ATF1: variants seen among roughly 807,000 people sequenced by gnomAD.
ATF1 encodes the protein cyclic AMP-dependent transcription factor ATF-1.
A neutral mutation model predicts 34.7 loss-of-function variants in ATF1; 16 were observed. The ratio of observed to expected loss-of-function variants is 0.46; its 90% CI spans 0.31 to 0.70. The LOEUF (loss-of-function observed/expected upper bound fraction) is 0.70, where lower values mean the gene tolerates loss of function less well. Ranked by LOEUF, ATF1 falls within the 30% of genes least tolerant of loss-of-function variation. ATF1 has a pLI of 0.05. For synonymous variants in ATF1, 105 were observed against 113.1 expected (o/e 0.93, Z 0.46); for missense variants, 255 against 321.6 (o/e 0.79, Z 1.58).
chr12:50,783,492 A>G (rs946564969), intron 2 of ATF1, among the ~76,000 whole-genome samples: 8 of 152,210 alleles, frequency 5.3e-5, no homozygotes, highest in Non-Finnish European at 1.0e-4. Flanking sequence ...TGACTCTTCA[A>G]ATTTCCTCAG....
At chr12:50,814,995 G>A (rs113652756) in intron 6 of ATF1, among the ~76,000 whole-genome samples, 6 of 151,888 alleles carry the variant, frequency 4.0e-5, no homozygotes, top group South Asian at 2.1e-4. Context: ...GGTGGCGGGC[G>A]CCTGTAGTCC....
At chr12:50,798,838 C>T (rs1941461769) in intron 3 of ATF1, among the ~76,000 whole-genome samples, 1 of 152,116 alleles carries the variant, frequency 6.6e-6, no homozygotes, top group Non-Finnish European at 1.5e-5. Flanking sequence ...TGATTAAATC[C>T]AGCACCTCAT....
At chr12:50,818,103 T>TAA (rs1479229445) in intron 6 of ATF1, among the ~76,000 whole-genome samples, 1 of 152,216 alleles carries the variant, frequency 6.6e-6, no homozygotes, top group African/African-American at 2.4e-5. Flanking sequence ...CTCTTGACTT[T>TAA]AAGTGAATAT....
At position 50,785,376 on chromosome 12, in the gene ATF1, A is replaced by G. The variant is rs1941166724; in HGVS notation, c.93+5138A>G. Among the ~76,000 whole-genome samples, 13 of 150,680 alleles carry G rather than the reference A, an allele frequency of 8.6e-5. No individual in the cohort carries two copies. In the South Asian group the frequency reaches 2.7e-3, roughly 32 times the overall value. ...ATAATTGCCATTTATTGAGATGGAC[A>G]ATGCTGGATGATGTTTTCCATTTCT... On this transcript the variant is annotated intron_variant, in intron 2 of 6. Coordinates refer to ENST00000262053, the MANE Select transcript of ATF1 (RefSeq NM_005171.5).
At chr12:50,787,744 A>G (rs1361403321) in intron 2 of ATF1, among the ~76,000 whole-genome samples, 1 of 152,186 alleles carries the variant, frequency 6.6e-6, no homozygotes, top group East Asian at 1.9e-4. Flanking sequence ...CTTGTCTAAA[A>G]AAAAAAAATG....
intron 1 of ATF1, among the ~76,000 whole-genome samples, chr12:50,770,106 G>A (rs1940735019): frequency 1.3e-5 from 2 of 152,184 alleles, no homozygotes; most frequent in South Asian, 4.1e-4. Flanking sequence ...ACGAAATTTG[G>A]AACATATTTG....
At chr12:50,802,030 C>T (rs1352146840) in intron 3 of ATF1, among the ~76,000 whole-genome samples, 1 of 152,114 alleles carries the variant, frequency 6.6e-6, no homozygotes, top group Non-Finnish European at 1.5e-5. Context: ...TAAAATAGAA[C>T]TAATCAACAA....
chr12:50,773,478 C>A (rs1592166808), intron 1 of ATF1, among the ~76,000 whole-genome samples: 1 of 96,682 alleles, frequency 1.0e-5, no homozygotes, highest in African/African-American at 3.9e-5. Flanking sequence ...GAGACAAAGT[C>A]TCATTCTATT....
In ATF1 at chr12:50,780,234, A is replaced by G; in HGVS notation, c.89A>G (p.Gln30Arg). ...GGAGCTCACATTTCTCATATTGCTC[A>G]ACAGGTAAGGGAGGGACTGGCCAAA... ...VQGAHISHIA[Q>R]QVSSLSESEE... Residue 30 changes from glutamine (Q) to arginine (R), a missense_variant, in exon 2 of 7, where the codon CAA becomes CGA. Physicochemically the swap from Gln to Arg is conservative, Grantham distance 43. Around this residue, in one of 2 missense-constraint regions of ATF1, gnomAD observed 221 missense variants for 250.7 expected, o/e 0.88. Transcript: ENST00000262053. 6.2e-7 allele frequency: 1 copy of G among 1,610,032 alleles called. No homozygotes were observed. Among genetic ancestry groups the G allele is most frequent in the Non-Finnish European group, 8.5e-7 (1 of 1,176,772 alleles).
chr12:50,809,421 A>T, intron 3 of ATF1, 35 bp from the exon 4 acceptor site: 1 of 1,477,870 alleles, frequency 6.8e-7, no homozygotes, highest in Non-Finnish European at 9.1e-7. Context: ...CATTCACATT[A>T]CCAATGTTTA....
intron 6 of ATF1, 79 bp from the exon 7 acceptor site, chr12:50,819,556 G>A (rs1356848950): frequency 1.8e-5 from 27 of 1,511,352 alleles, no homozygotes; most frequent in Non-Finnish European, 2.3e-5. Context: ...AGGTGACCAC[G>A]GAAAATTACT....
chr12:50,770,168 T>C (rs1046614144), intron 1 of ATF1, among the ~76,000 whole-genome samples: 10 of 152,234 alleles, frequency 6.6e-5, no homozygotes, highest in Non-Finnish European at 1.5e-4. Flanking sequence ...TGAGTATTCT[T>C]AACTTATGGC....
intron 1 of ATF1, among the ~76,000 whole-genome samples, chr12:50,772,961 ACCATGTGTC>A (rs1397020101): frequency 1.3e-5 from 2 of 151,944 alleles, no homozygotes; most frequent in Non-Finnish European, 2.9e-5. Context: ...TTGTTCTCCC[ACCATGTGTC>A]CCCGTGTTCT....
chr12:50,820,751 TAG>T lies in ATF1; in HGVS notation c.*976_*977del, dbSNP rs1941934218. 1 of 179,542 alleles carries T rather than the reference TAG, an allele frequency of 5.6e-6. No homozygotes were observed. The highest frequency in any genetic ancestry group is 1.2e-5 in the Non-Finnish European group (1 of 83,530). The allele number at this position is 179,542 out of a possible 1,614,324, so 11.1% of individuals were successfully genotyped here. On this transcript the variant is annotated 3_prime_UTR_variant, in exon 7 of 7. Coordinates refer to ENST00000262053, the MANE Select transcript of ATF1 (RefSeq NM_005171.5). ...TATAGTTATTAAGGCAATTTTATGT[TAG>T]AGACTATTTTGTAATGTAGTGAGTG...
rs1019058447 is a variant in ATF1 at position 50,764,233 on chromosome 12, G to A, written c.-81G>A. On this transcript the variant is annotated 5_prime_UTR_variant, in exon 1 of 7. Transcript: ENST00000262053. ...GCTGCGTGAGGGGGTGGGGAAGTGGGTAGTGAATTCGGATCTACCTGGGAG... is the reference window on the plus strand; with the variant it reads ...GCTGCGTGAGGGGGTGGGGAAGTGGATAGTGAATTCGGATCTACCTGGGAG... 1 of 152,010 alleles carries A rather than the reference G, an allele frequency of 6.6e-6. No individual in the cohort carries two copies. The highest frequency in any genetic ancestry group is 1.5e-5 in the Non-Finnish European group (1 of 67,926). The allele number at this position is 152,010 out of a possible 1,614,324, so 9.4% of individuals were successfully genotyped here. A position where few individuals can be genotyped will look rare whatever the true frequency, so the allele number is the denominator to read the frequency against.
At chr12:50,801,321 A>C (rs1296940576) in intron 3 of ATF1, among the ~76,000 whole-genome samples, 1 of 152,080 alleles carries the variant, frequency 6.6e-6, no homozygotes, top group African/African-American at 2.4e-5. Flanking sequence ...GCAACTACTA[A>C]AAAAAAACTA....
At chr12:50,818,243 C>G (rs536112426) in intron 6 of ATF1, among the ~76,000 whole-genome samples, 3 of 151,928 alleles carry the variant, frequency 2.0e-5, no homozygotes, top group Non-Finnish European at 2.9e-5. Flanking sequence ...ATACTGAGAC[C>G]TCATCTCTAC....
chr12:50,797,857 A>C (rs1941439083), intron 3 of ATF1, among the ~76,000 whole-genome samples: 1 of 152,158 alleles, frequency 6.6e-6, no homozygotes, highest in Admixed American at 6.5e-5. Context: ...CGGTGAAATA[A>C]TAATCATTTT....
chr12:50,772,230 T>C (rs1280739127), intron 1 of ATF1, among the ~76,000 whole-genome samples: 2 of 152,018 alleles, frequency 1.3e-5, no homozygotes, highest in Admixed American at 6.6e-5. Context: ...GGGTACAAAG[T>C]GTCTCCCAAA....
Sources: allele counts gnomAD v4.1 joint callset (sites outside exome capture counted in the v4.1 genomes callset), GRCh38; gene constraint gnomAD v4.1.1; regional missense constraint gnomAD v4.1.1; transcripts MANE v1.5; gene names NCBI Gene and HGNC (gene_info 2026-07-23, HGNC 2026-07-21).